The following DCUN1D4 variants were observed in gnomAD, a reference collection of about 807,000 sequenced individuals.
DCUN1D4 encodes the protein DCN1-like protein 4.
Under a neutral mutation model 47.9 loss-of-function variants are expected in DCUN1D4, and 22 were observed. The observed-to-expected ratio is 0.46, with a 90% confidence interval of 0.33 to 0.66. The LOEUF is 0.66. Among genes scored for constraint, DCUN1D4 ranks in the 30% least tolerant of loss-of-function variants. The probability of loss-of-function intolerance (pLI) is 0.02; values close to 1 mark genes in which losing one functional copy is unlikely to be tolerated. For synonymous variants in DCUN1D4, 121 were observed against 112.2 expected, an observed-to-expected ratio of 1.08 and a Z score of -0.50; for missense variants, 301 against 340.8, an observed-to-expected ratio of 0.88 and a Z score of 0.92.
rs561882682 is a variant in DCUN1D4 at position 51,912,517 on chromosome 4, A to G, written c.721-773A>G. On this transcript the variant is annotated intron_variant, in intron 9 of 10. Coordinates refer to ENST00000334635, the MANE Select transcript of DCUN1D4 (RefSeq NM_001040402.3). ...ACTCAACTCTCTTTGCTTTTTATGT[A>G]CTTGTATTGTTTTACTATGTTTCTG... 2.2e-3 allele frequency among the ~76,000 whole-genome samples: 328 copies of G among 152,208 alleles called. 3 individuals are homozygous for G. Among genetic ancestry groups the G allele is most frequent in the African/African-American group, 7.6e-3 (316 of 41,548 alleles).
At chr4:51,844,174 CAGG>C (rs1441823323) in intron 1 of DCUN1D4, among the ~76,000 whole-genome samples, 1 of 148,428 alleles carries the variant, frequency 6.7e-6, no homozygotes, top group African/African-American at 2.5e-5. Context: ...CGGAGTTGGG[CAGG>C]AGGACTGTCA....
At chr4:51,838,408 G>C (rs951224260), upstream of DCUN1D4, among the ~76,000 whole-genome samples, 6 of 151,976 alleles carry the variant, frequency 3.9e-5, no homozygotes, top group Middle Eastern at 3.2e-3. Context: ...TTGAGGCAGG[G>C]TCTCATTCTG....
At chr4:51,887,431 G>T (rs1729688742) in intron 6 of DCUN1D4, among the ~76,000 whole-genome samples, 1 of 151,966 alleles carries the variant, frequency 6.6e-6, no homozygotes, top group African/African-American at 2.4e-5. Flanking sequence ...AAAGCCCTAG[G>T]TATTTATTTT....
At chr4:51,898,365 A>C (rs775096936) in intron 7 of DCUN1D4, among the ~76,000 whole-genome samples, 5 of 152,180 alleles carry the variant, frequency 3.3e-5, no homozygotes, top group Non-Finnish European at 5.9e-5. Context: ...GCAGGGGGGC[A>C]GACTTACCGC....
At chr4:51,841,209 G>A (rs547833348), upstream of DCUN1D4, among the ~76,000 whole-genome samples, 34 of 151,896 alleles carry the variant, frequency 2.2e-4, 1 homozygote, top group South Asian at 6.4e-3. Flanking sequence ...AATAACATGT[G>A]TCTCAGTCTT....
chr4:51,878,196 C>T (rs1261296473), intron 5 of DCUN1D4, among the ~76,000 whole-genome samples: 1 of 152,026 alleles, frequency 6.6e-6, no homozygotes, highest in Non-Finnish European at 1.5e-5. Context: ...TGCTTTGAAC[C>T]CTTACTTAGT....
At chr4:51,843,008 GC>G, upstream of DCUN1D4, 1 of 1,311,938 alleles carries the variant, frequency 7.6e-7, no homozygotes, top group Non-Finnish European at 9.8e-7. Flanking sequence ...CCAGTGGGGG[GC>G]GGGGCCTCGT....
chr4:51,890,524 A>T (rs898989891), intron 6 of DCUN1D4, among the ~76,000 whole-genome samples: 1 of 152,176 alleles, frequency 6.6e-6, no homozygotes, highest in Non-Finnish European at 1.5e-5. Context: ...CTGATCCCTA[A>T]TTTAGGAGTT....
rs1172154108 is a variant in DCUN1D4, at chr4:51,877,788, A to G, written c.277A>G (p.Arg93Gly). The G allele has an allele frequency of 5.6e-6, 9 of 1,610,810 alleles. No individual in the cohort carries two copies. Among genetic ancestry groups the G allele is most frequent in the Non-Finnish European group, 7.6e-6 (9 of 1,178,700 alleles). Residue 93 changes from arginine (R) to glycine (G), a missense_variant, in exon 5 of 11, where the codon AGA (arginine) becomes GGA (glycine). Physicochemically the swap from Arg to Gly is moderately radical, Grantham distance 125. Transcript: ENST00000334635. ...DSMYRKYDST[R>G]IKTEEEAFSS... Reference sequence around the variant, plus strand: ...CATGTATAGAAAATATGATTCGACTAGAATAAAGACTGAAGAAGAAGCCTT... The same window carrying G: ...CATGTATAGAAAATATGATTCGACTGGAATAAAGACTGAAGAAGAAGCCTT...
chr4:51,905,962 G>GGAGAAACTGCTAGAGAGGGA (rs1289188818), intron 8 of DCUN1D4, among the ~76,000 whole-genome samples: 3 of 152,154 alleles, frequency 2.0e-5, no homozygotes, highest in Non-Finnish European at 4.4e-5. Flanking sequence ...AACAAAGTTA[G>GGAGAAACTGCTAGAGAGGGA]GAGAAACTGC....
At chr4:51,852,885 TATC>T (rs1723574807) in intron 1 of DCUN1D4, among the ~76,000 whole-genome samples, 1 of 152,252 alleles carries the variant, frequency 6.6e-6, no homozygotes, top group African/African-American at 2.4e-5. Context: ...GGCTTTATGT[TATC>T]AGAGCTGATT....
In DCUN1D4 at chr4:51,843,642, G is replaced by A. The variant is rs918805836; in HGVS notation, c.25+375G>A. Reference sequence around the variant, plus strand: ...GGCAGGGCCGGGGATGTGGGGGGGTGGCACCGGCGGGGAGAGGGAGGGAGC... The same window carrying A: ...GGCAGGGCCGGGGATGTGGGGGGGTAGCACCGGCGGGGAGAGGGAGGGAGC... On this transcript the variant is annotated intron_variant, in intron 1 of 10. Coordinates refer to ENST00000334635, the MANE Select transcript of DCUN1D4 (RefSeq NM_001040402.3). The A allele has an allele frequency of 5.6e-6, 7 of 1,253,980 alleles. No individual in the cohort carries two copies. In the African/African-American group the frequency reaches 1.1e-4, roughly 20 times the overall value. The allele number at this position is 1,253,980 out of a possible 1,614,324, so 77.7% of individuals were successfully genotyped here.
intron 5 of DCUN1D4, 145 bp downstream of exon 5, chr4:51,877,999 GC>G (rs1727958609): frequency 2.2e-6 from 1 of 450,932 alleles, no homozygotes; most frequent in Non-Finnish European, 3.9e-6. Context: ...GAGGGACATA[GC>G]TGTAACAAAT....
At chr4:51,870,069 A>G (rs1463030791) in intron 3 of DCUN1D4, among the ~76,000 whole-genome samples, 1 of 152,218 alleles carries the variant, frequency 6.6e-6, no homozygotes, top group African/African-American at 2.4e-5. Flanking sequence ...GTCAGCCTTA[A>G]TATCTTGCTT....
intron 5 of DCUN1D4, among the ~76,000 whole-genome samples, chr4:51,882,542 C>T (rs985428032): frequency 1.2e-4 from 18 of 151,956 alleles, no homozygotes; most frequent in African/African-American, 4.8e-5. Flanking sequence ...CCGAGGCGGG[C>T]GGATCACGAG....
chr4:51,853,784 TG>T (rs1367186208), intron 1 of DCUN1D4, among the ~76,000 whole-genome samples: 2 of 152,192 alleles, frequency 1.3e-5, no homozygotes, highest in African/African-American at 4.8e-5. Flanking sequence ...ATTAGGAAGC[TG>T]GGTTTATTTT....
intron 3 of DCUN1D4, among the ~76,000 whole-genome samples, chr4:51,873,087 A>G (rs1727159976): frequency 6.6e-6 from 1 of 152,208 alleles, no homozygotes; most frequent in Non-Finnish European, 1.5e-5. Flanking sequence ...ACATAGGTGA[A>G]GAACTGGAAC....
At chr4:51,842,311 G>T (rs549243874), upstream of DCUN1D4, among the ~76,000 whole-genome samples, 1 of 152,300 alleles carries the variant, frequency 6.6e-6, no homozygotes, top group African/African-American at 2.4e-5. Context: ...GCGCGGCCCT[G>T]TATTTCTGTC....
intron 7 of DCUN1D4, among the ~76,000 whole-genome samples, chr4:51,893,251 C>T (rs1730727680): frequency 6.6e-6 from 1 of 152,176 alleles, no homozygotes; most frequent in African/African-American, 2.4e-5. Flanking sequence ...CACCCTTTTA[C>T]AAATATACTT....
Sources: allele counts gnomAD v4.1 joint callset (sites outside exome capture counted in the v4.1 genomes callset), GRCh38; gene constraint gnomAD v4.1.1; transcripts MANE v1.5; gene names NCBI Gene and HGNC (gene_info 2026-07-23, HGNC 2026-07-21).